Variants in SACM1L observed in about 807,000 individuals in gnomAD.
SACM1L encodes the protein phosphatidylinositol-3-phosphatase SAC1.
SACM1L carries 32 observed loss-of-function variants against 89.5 expected under a neutral mutation model. The ratio of observed to expected loss-of-function variants is 0.36; its 90% CI spans 0.27 to 0.48. The LOEUF (loss-of-function observed/expected upper bound fraction) is 0.48, where lower values mean the gene tolerates loss of function less well. Ranked by LOEUF, SACM1L falls within the 20% of genes least tolerant of loss-of-function variation. SACM1L has a pLI of 0.99. For synonymous variants in SACM1L, 213 were observed against 232.8 expected, an observed-to-expected ratio of 0.92 and a Z score of 0.77; for missense variants, 543 against 708.5, an observed-to-expected ratio of 0.77 and a Z score of 2.65.
At chr3:45,717,019 G>T (rs764123831) in intron 7 of SACM1L, among the ~76,000 whole-genome samples, 4 of 152,136 alleles carry the variant, frequency 2.6e-5, no homozygotes, top group Non-Finnish European at 4.4e-5. Flanking sequence ...TCATTTTTGT[G>T]CCCTGGCTCG....
chr3:45,697,603 A>T (rs538968417), intron 1 of SACM1L, among the ~76,000 whole-genome samples: 59 of 152,282 alleles, frequency 3.9e-4, no homozygotes, highest in African/African-American at 1.3e-3. Context: ...CCATGCTTGG[A>T]CAGTAATCCT....
intron 11 of SACM1L, among the ~76,000 whole-genome samples, chr3:45,726,060 T>C (rs1054373366): frequency 6.6e-6 from 1 of 152,140 alleles, no homozygotes; most frequent in African/African-American, 2.4e-5. Flanking sequence ...CTTTTGGTCA[T>C]GGTATATACT....
intron 13 of SACM1L, among the ~76,000 whole-genome samples, chr3:45,734,047 T>A (rs1026608800): frequency 6.6e-6 from 1 of 152,166 alleles, no homozygotes; most frequent in African/African-American, 2.4e-5. Flanking sequence ...GGAAACTGAT[T>A]TTTCAAATAA....
intron 7 of SACM1L, among the ~76,000 whole-genome samples, chr3:45,716,686 A>G (rs960194863): frequency 6.6e-6 from 1 of 152,026 alleles, no homozygotes; most frequent in African/African-American, 2.4e-5. Flanking sequence ...AGCACCATAT[A>G]AAGTGTCATA....
At chr3:45,701,628 T>C (rs894671973) in intron 1 of SACM1L, among the ~76,000 whole-genome samples, 3 of 152,212 alleles carry the variant, frequency 2.0e-5, no homozygotes, top group Admixed American at 6.5e-5. Context: ...TTGATTGACA[T>C]ACAATAAACT....
rs145722818 is a variant in SACM1L, at chr3:45,738,834, T to G, written c.1530T>G (p.His510Gln). 4.9e-4 allele frequency: 786 copies of G among 1,611,704 alleles called. No homozygotes were observed. Among genetic ancestry groups the G allele is most frequent in the Non-Finnish European group, 6.5e-4 (767 of 1,178,012 alleles). ...ATTCAGTGGATGAATTAGAATCTCA[T>G]AGTCCTTTAAGTGTTCCAAGGGACT... The part of the protein sequence containing the change: ...GNYSVDELES[H>Q]SPLSVPRDWK... Residue 510 changes from histidine (H) to glutamine (Q), a missense_variant, in exon 18 of 20, where the codon CAT (histidine) becomes CAG (glutamine). Physicochemically the swap from His to Gln is conservative, Grantham distance 24. This residue lies in a region of SACM1L where 370 missense variants were observed against 527.6 expected (regional missense o/e 0.70). Transcript: ENST00000389061.
chr3:45,727,605 AT>A (rs1487729758), intron 11 of SACM1L, among the ~76,000 whole-genome samples: 2 of 151,192 alleles, frequency 1.3e-5, no homozygotes, highest in African/African-American at 4.8e-5. Flanking sequence ...GTTTCCTACA[AT>A]TTTTTTAAAT....
Position 45,745,409 on chromosome 3 carries a change from A to G in SACM1L, c.*1740A>G, listed in dbSNP as rs1699404436. 6.6e-6 allele frequency: 1 copy of G among 152,566 alleles called. No individual in the cohort carries two copies. Among genetic ancestry groups the G allele is most frequent in the African/African-American group, 2.4e-5 (1 of 41,434 alleles). 9.5% of individuals were successfully genotyped at this position (152,566 alleles called of 1,614,324 possible). A position where few individuals can be genotyped will look rare whatever the true frequency, so the allele number is the denominator to read the frequency against. On this transcript the variant is annotated 3_prime_UTR_variant, in exon 20 of 20. Transcript: ENST00000389061. Reference sequence around the variant, plus strand: ...AAAATAAAATGTCATATTCTTTTCTATTATTGGTATCATTCATGTACTTTG... The same window carrying G: ...AAAATAAAATGTCATATTCTTTTCTGTTATTGGTATCATTCATGTACTTTG...
intron 2 of SACM1L, among the ~76,000 whole-genome samples, chr3:45,703,738 T>A (rs1698326894): frequency 6.6e-6 from 1 of 152,160 alleles, no homozygotes; most frequent in Non-Finnish European, 1.5e-5. Context: ...GAAATGATCT[T>A]GAAAATTTTA....
intron 5 of SACM1L, 114 bp downstream of exon 5, chr3:45,709,761 G>A: frequency 1.1e-6 from 1 of 924,572 alleles, no homozygotes; most frequent in Non-Finnish European, 1.6e-6. Context: ...TTAGAATCAT[G>A]TATGAGGCTT....
intron 6 of SACM1L, 59 bp downstream of exon 6, chr3:45,713,255 A>G: frequency 3.8e-6 from 5 of 1,305,380 alleles, no homozygotes; most frequent in South Asian, 2.5e-5. Context: ...AATTCAATGC[A>G]TGCTATAAAG....
intron 1 of SACM1L, among the ~76,000 whole-genome samples, chr3:45,693,252 C>CA (rs1698041291): frequency 6.6e-6 from 1 of 152,218 alleles, no homozygotes; most frequent in African/African-American, 2.4e-5. Flanking sequence ...TTACATGGCA[C>CA]ATGGCTGTAC....
chr3:45,693,697 C>T (rs970343426), intron 1 of SACM1L, among the ~76,000 whole-genome samples: 3 of 152,154 alleles, frequency 2.0e-5, no homozygotes, highest in Non-Finnish European at 4.4e-5. Flanking sequence ...AGATTGCTCT[C>T]GCATTAGTCC....
At chr3:45,725,801 T>C (rs944698468) in intron 11 of SACM1L, among the ~76,000 whole-genome samples, 11 of 152,166 alleles carry the variant, frequency 7.2e-5, no homozygotes, top group African/African-American at 2.7e-4. Flanking sequence ...GCTTTTGGTC[T>C]TTCATCATTA....
At chr3:45,700,907 A>C (rs1698250578) in intron 1 of SACM1L, among the ~76,000 whole-genome samples, 1 of 152,130 alleles carries the variant, frequency 6.6e-6, no homozygotes, top group Non-Finnish European at 1.5e-5. Context: ...CCTGACCTTA[A>C]ATGATCCACC....
intron 3 of SACM1L, among the ~76,000 whole-genome samples, chr3:45,705,661 C>T (rs991944779): frequency 6.6e-6 from 1 of 152,056 alleles, no homozygotes; most frequent in African/African-American, 2.4e-5. Flanking sequence ...TGCCACCACA[C>T]TCGGCTAATT....
At chr3:45,706,999 T>G in intron 4 of SACM1L, 92 bp downstream of exon 4, 4 of 1,218,836 alleles carry the variant, frequency 3.3e-6, no homozygotes, top group African/African-American at 1.5e-5. Context: ...ATACAAAGAA[T>G]GCTATAATTA....
chr3:45,720,361 A>G (rs897937179), intron 8 of SACM1L, among the ~76,000 whole-genome samples: 2 of 152,220 alleles, frequency 1.3e-5, no homozygotes, highest in Non-Finnish European at 2.9e-5. Context: ...GTGCATTTAC[A>G]TATTTCAAAT....
In SACM1L at chr3:45,703,489, T is replaced by C. The variant is rs768481910; in HGVS notation, c.84T>C (p.Asp28=). ...FYVEACDDGA[D]DVLTIDRVST... ...TGGAAGCTTGTGATGATGGAGCAGA[T>C]GACGTACTTACCATTGACCGTGTGT... Residue 28 remains aspartate (D), a synonymous_variant, in exon 2 of 20, where the codon GAT becomes GAC. Coordinates refer to ENST00000389061, the MANE Select transcript of SACM1L (RefSeq NM_014016.5). The C allele has an allele frequency of 1.9e-6, 3 of 1,613,414 alleles. No individual in the cohort carries two copies.
Sources: gnomAD v4.1 joint callset for allele counts (sites outside exome capture counted in the v4.1 genomes callset) on GRCh38, gnomAD v4.1.1 for gene constraint, gnomAD v4.1.1 regional missense constraint, MANE v1.5 for transcripts, NCBI Gene and HGNC (gene_info 2026-07-23, HGNC 2026-07-21) for gene names.